The following PHF14 variants were observed in gnomAD, a reference collection of about 807,000 sequenced individuals.
PHF14 encodes PHD finger protein 14.
A neutral mutation model predicts 117.9 loss-of-function variants in PHF14; 55 were observed. The observed-to-expected ratio is 0.47, with a 90% CI of 0.38 to 0.58. The LOEUF (loss-of-function observed/expected upper bound fraction) is 0.58. Ranked by LOEUF, PHF14 falls within the 20% of genes least tolerant of loss-of-function variation. The pLI, the probability that PHF14 is intolerant of heterozygous loss-of-function variation, is 0.00. For missense variants in PHF14, 978 were observed against 1,122.2 expected (o/e 0.87, Z 1.84); for synonymous variants, 409 against 368.6 (o/e 1.11, Z -1.26).
intron 4 of PHF14, among the ~76,000 whole-genome samples, chr7:11,008,837 C>T (rs1307390828): frequency 6.6e-6 from 1 of 151,876 alleles, no homozygotes; most frequent in Non-Finnish European, 1.5e-5. Flanking sequence ...AGATCGAGAC[C>T]ATCCTGACTA....
intron 4 of PHF14, among the ~76,000 whole-genome samples, chr7:11,003,529 A>T (rs559013670): frequency 4.0e-4 from 61 of 152,304 alleles, no homozygotes; most frequent in Middle Eastern, 3.4e-3. Flanking sequence ...TTGTTATGGG[A>T]TACATATAGA....
At chr7:11,085,830 G>C (rs1030017493) in intron 16 of PHF14, among the ~76,000 whole-genome samples, 1 of 151,756 alleles carries the variant, frequency 6.6e-6, no homozygotes. Context: ...CCTGGGATTT[G>C]CTACTGATAA....
chr7:11,154,597 A>T (rs1788789808), intron 17 of PHF14, among the ~76,000 whole-genome samples: 1 of 152,170 alleles, frequency 6.6e-6, no homozygotes, highest in African/African-American at 2.4e-5. Context: ...TATTGTTTTC[A>T]TATCAGTTGG....
chr7:11,148,556 G>A (rs1291282187), intron 17 of PHF14, among the ~76,000 whole-genome samples: 1 of 151,918 alleles, frequency 6.6e-6, no homozygotes, highest in Non-Finnish European at 1.5e-5. Flanking sequence ...CCTTTACCCT[G>A]TTTCTTTCAC....
At chr7:11,084,913 G>T (rs1208460283) in intron 16 of PHF14, among the ~76,000 whole-genome samples, 2 of 151,850 alleles carry the variant, frequency 1.3e-5, no homozygotes, top group Non-Finnish European at 2.9e-5. Flanking sequence ...TTTATCTTTG[G>T]AGATTTTTTT....
At position 11,013,873 on chromosome 7, in the gene PHF14, A is replaced by C; in HGVS notation, c.1172A>C (p.Gln391Pro). 6.2e-7 allele frequency: 1 copy of C among 1,604,448 alleles called. No homozygotes were observed. The highest frequency in any genetic ancestry group is 8.5e-7 in the Non-Finnish European group (1 of 1,173,100). ...VSPSCELCPN[Q>P]DGIFKETDAG... ...CCTAGCTGTGAACTGTGTCCTAATC[A>C]GGATGGAATTTTCAAGGAGACAGAT... is the stretch of plus-strand genomic sequence containing the variant. Residue 391 changes from glutamine (Q) to proline (P), a missense_variant, in exon 5 of 18, where the codon CAG (glutamine) becomes CCG (proline). Physicochemically the swap from Gln to Pro is moderately conservative, Grantham distance 76. Transcript: ENST00000634607.
chr7:11,134,088 A>T (rs1438475663), intron 17 of PHF14, among the ~76,000 whole-genome samples: 10 of 152,140 alleles, frequency 6.6e-5, no homozygotes, highest in Middle Eastern at 3.4e-3. Context: ...GTCAGGAGTC[A>T]GAATTTGAAA....
intron 5 of PHF14, among the ~76,000 whole-genome samples, chr7:11,018,409 C>T (rs1025203064): frequency 3.3e-5 from 5 of 151,904 alleles, no homozygotes; most frequent in Admixed American, 6.6e-5. Context: ...TTTTTGGTGT[C>T]GTCTTCAATT....
chr7:11,102,050 G>C (rs1045969297), intron 16 of PHF14, among the ~76,000 whole-genome samples: 1 of 151,812 alleles, frequency 6.6e-6, no homozygotes, highest in Non-Finnish European at 1.5e-5. Flanking sequence ...ACACTGATCA[G>C]ATGTGCTTGT....
At chr7:11,095,146 C>G (rs1024546733) in intron 16 of PHF14, among the ~76,000 whole-genome samples, 1 of 152,100 alleles carries the variant, frequency 6.6e-6, no homozygotes, top group African/African-American at 2.4e-5. Context: ...TTGAGTTGAA[C>G]TCATAGTGAA....
rs554211984 is a variant in PHF14, at chr7:11,082,328, A to G, written c.2654+20243A>G. Among the ~76,000 whole-genome samples, 7 of 152,344 alleles carry G rather than the reference A, an allele frequency of 4.6e-5. No homozygotes were observed. The South Asian group carries it at 1.5e-3, about 32-fold the overall frequency. ...ACGTCACTGTACTCCAGCCTGGGCA[A>G]CAGAGCAAGACCCTGTCTCAAAAAA... On this transcript the variant is annotated intron_variant, in intron 16 of 17. Coordinates refer to ENST00000634607, the MANE Select transcript of PHF14 (RefSeq NM_001007157.2).
chr7:11,036,406 T>C lies in PHF14; in HGVS notation c.1603-12T>C, dbSNP rs1380654875. 3.2e-6 allele frequency: 5 copies of C among 1,580,592 alleles called. No homozygotes were observed. In the East Asian group the frequency reaches 1.1e-4, roughly 36 times the overall value. ...TATTATCTTTTAAAATTTGAATACA[T>C]TTCTTTTATAGGCAAGGATCAATGC... On this transcript the variant is annotated splice_polypyrimidine_tract_variant and intron_variant, in intron 8 of 17. Coordinates refer to ENST00000634607, the MANE Select transcript of PHF14 (RefSeq NM_001007157.2).
chr7:11,145,346 G>C (rs1422054890), intron 17 of PHF14, among the ~76,000 whole-genome samples: 1 of 151,952 alleles, frequency 6.6e-6, no homozygotes, highest in Non-Finnish European at 1.5e-5. Flanking sequence ...AGGAAAAACA[G>C]TTCTTCCTAG....
At chr7:10,983,737 A>G (rs1452704028) in intron 3 of PHF14, among the ~76,000 whole-genome samples, 1 of 152,168 alleles carries the variant, frequency 6.6e-6, no homozygotes, top group South Asian at 2.1e-4. Context: ...CTATTTTTAC[A>G]TATATTTAGT....
chr7:11,152,981 G>C (rs977087907), intron 17 of PHF14, among the ~76,000 whole-genome samples: 7 of 152,184 alleles, frequency 4.6e-5, no homozygotes, highest in Admixed American at 1.3e-4. Context: ...AGGCCGGAAA[G>C]GTCAGAAGGG....
intron 16 of PHF14, chr7:11,102,652 G>C: frequency 1.3e-6 from 2 of 1,490,160 alleles, no homozygotes; most frequent in Non-Finnish European, 1.8e-6. Flanking sequence ...ACTGCAAAAA[G>C]TTGCCTTTTG....
chr7:10,974,970 C>A (rs769427762), intron 2 of PHF14, 25 bp downstream of exon 2: 2 of 1,129,330 alleles, frequency 1.8e-6, no homozygotes, highest in Non-Finnish European at 1.3e-6. Flanking sequence ...CTCTCTTCCC[C>A]TTTCCCAGCT....
intron 13 of PHF14, among the ~76,000 whole-genome samples, chr7:11,046,327 G>C (rs1784661592): frequency 6.6e-6 from 1 of 152,096 alleles, no homozygotes; most frequent in African/African-American, 2.4e-5. Flanking sequence ...TTATATTTCT[G>C]CCTCCACTCA....
At chr7:11,037,226 C>A (rs1049138106) in intron 10 of PHF14, 135 bp downstream of exon 10, 1 of 656,962 alleles carries the variant, frequency 1.5e-6, no homozygotes, top group Non-Finnish European at 2.5e-6. Context: ...ATAACTCCTA[C>A]TCCTCATTAG....
Sources: gnomAD v4.1 joint callset for allele counts (sites outside exome capture counted in the v4.1 genomes callset) on GRCh38, gnomAD v4.1.1 for gene constraint, MANE v1.5 for transcripts, NCBI Gene and HGNC (gene_info 2026-07-23, HGNC 2026-07-21) for gene names.